The following ARL6IP6 variants were observed in gnomAD, a reference collection of about 807,000 sequenced individuals.
ARL6IP6 encodes the protein ADP-ribosylation factor-like protein 6-interacting protein 6.
A neutral mutation model predicts 21.5 loss-of-function variants in ARL6IP6; 22 were observed. The observed-to-expected ratio is 1.02, with a 90% CI of 0.73 to 1.46. The LOEUF (loss-of-function observed/expected upper bound fraction) is 1.46, where lower values mean the gene tolerates loss of function less well. Ranked by LOEUF, ARL6IP6 falls within the 40% of genes most tolerant of loss-of-function variation. The pLI, the probability that ARL6IP6 is intolerant of heterozygous loss-of-function variation, is 0.00. For missense variants in ARL6IP6, 388 were observed against 299.8 expected, an observed-to-expected ratio of 1.29 and a Z score of -2.17; for synonymous variants, 164 against 125.3, an observed-to-expected ratio of 1.31 and a Z score of -2.06.
At chr2:152,750,648 T>TC in intron 3 of ARL6IP6, among the ~76,000 whole-genome samples, 1 of 1,066 alleles carries the variant, frequency 9.4e-4, no homozygotes, top group South Asian at 0.12. Context: ...CTTTACACAA[T>TC]GTACCTCTTT....
chr2:152,742,220 C>G lies in ARL6IP6; in HGVS notation c.587+7094C>G, dbSNP rs76114027. Reference sequence around the variant, plus strand: ...AGTTTTCAGGAGTTAATGCATCTAACTATGTTACCTACCCGTGGAAAAATA... The same window carrying G: ...AGTTTTCAGGAGTTAATGCATCTAAGTATGTTACCTACCCGTGGAAAAATA... On this transcript the variant is annotated intron_variant, in intron 3 of 3. Transcript: ENST00000326446. 6.3e-4 allele frequency among the ~76,000 whole-genome samples: 96 copies of G among 152,184 alleles called. 1 individual carries two copies. In the East Asian group the frequency reaches 0.017, roughly 28 times the overall value.
intron 2 of ARL6IP6, among the ~76,000 whole-genome samples, chr2:152,729,707 T>C (rs751324151): frequency 8.5e-5 from 13 of 152,160 alleles, no homozygotes; most frequent in African/African-American, 1.2e-4. Flanking sequence ...TGAGAAGATA[T>C]ATATACGTTT....
At chr2:152,758,463 T>C (rs1172841724) in intron 3 of ARL6IP6, among the ~76,000 whole-genome samples, 3 of 152,206 alleles carry the variant, frequency 2.0e-5, no homozygotes, top group Non-Finnish European at 4.4e-5. Flanking sequence ...TTCTGTTCAC[T>C]AGTCATCAAC....
chr2:152,745,711 T>C (rs1310892022), intron 3 of ARL6IP6, among the ~76,000 whole-genome samples: 1 of 152,170 alleles, frequency 6.6e-6, no homozygotes, highest in East Asian at 1.9e-4. Context: ...ACAAAAGAGA[T>C]GGTTCAGGAA....
chr2:152,755,736 A>G (rs1004053265), intron 3 of ARL6IP6, among the ~76,000 whole-genome samples: 2 of 152,144 alleles, frequency 1.3e-5, no homozygotes, highest in African/African-American at 4.8e-5. Flanking sequence ...ATTCGGGGCC[A>G]CTACTGGTCT....
At chr2:152,754,986 G>C (rs1046808136) in intron 3 of ARL6IP6, among the ~76,000 whole-genome samples, 3 of 152,014 alleles carry the variant, frequency 2.0e-5, no homozygotes, top group Non-Finnish European at 2.9e-5. Context: ...TCATAGATGT[G>C]ATTATATATG....
chr2:152,732,959 A>C lies in ARL6IP6; in HGVS notation c.455-2035A>C, dbSNP rs534252713. On this transcript the variant is annotated intron_variant, in intron 2 of 3. Transcript: ENST00000326446. ...TCCAGATACGGAACTTGTGGATAGG[A>C]AGGGCTGACTGTATATAGTTGAAAT... is the stretch of plus-strand genomic sequence containing the variant. Among the ~76,000 whole-genome samples the C allele has an allele frequency of 7.7e-4, 116 of 151,236 alleles. No individual in the cohort carries two copies. The East Asian group carries it at 0.012, about 15-fold the overall frequency.
At chr2:152,759,706 T>TA in intron 3 of ARL6IP6, 41 bp from the exon 4 acceptor site, 1 of 1,530,104 alleles carries the variant, frequency 6.5e-7, no homozygotes. Context: ...TATACCACGT[T>TA]ACATTTTTCT....
intron 3 of ARL6IP6, among the ~76,000 whole-genome samples, chr2:152,758,844 G>A (rs1401921870): frequency 1.3e-5 from 2 of 152,168 alleles, no homozygotes; most frequent in African/African-American, 2.4e-5. Flanking sequence ...GAAAGGAGGA[G>A]AGGATATGGG....
At chr2:152,751,583 T>G (rs1340431994) in intron 3 of ARL6IP6, among the ~76,000 whole-genome samples, 1 of 152,194 alleles carries the variant, frequency 6.6e-6, no homozygotes, top group African/African-American at 2.4e-5. Flanking sequence ...TCTACTTCTA[T>G]GAGCTCATTT....
chr2:152,718,496 T>C (rs985616022), upstream of ARL6IP6: 145 of 1,343,678 alleles, frequency 1.1e-4, no homozygotes, highest in Non-Finnish European at 1.3e-4. Context: ...CCACCCTTGC[T>C]CTCCGTGGTT....
At chr2:152,746,001 C>CTTTTTTTTTTTTTTTTTTTTTTT (rs67760283) in intron 3 of ARL6IP6, among the ~76,000 whole-genome samples, 2 of 66,388 alleles carry the variant, frequency 3.0e-5, no homozygotes, top group East Asian at 7.5e-4. Flanking sequence ...TGCTTTGTAC[C>CTTTTTTTTTTTTTTTTTTTTTTT]TTTTTTTTTT....
chr2:152,761,513 A>C lies in ARL6IP6; in HGVS notation c.*1673A>C, dbSNP rs1285348519. On this transcript the variant is annotated 3_prime_UTR_variant, in exon 4 of 4. Coordinates refer to ENST00000326446, the MANE Select transcript of ARL6IP6 (RefSeq NM_152522.7). The stretch of plus-strand genomic sequence containing the variant: ...AGATTGTTTGTGTCTAATGACTAGG[A>C]AAGTTATTAACAGTAGACCCTAGAT... 6.6e-6 allele frequency among the ~76,000 whole-genome samples: 1 copy of C among 152,222 alleles called. No homozygotes were observed. The highest frequency in any genetic ancestry group is 2.4e-5 in the African/African-American group (1 of 41,450).
chr2:152,755,265 A>G (rs1559245070), intron 3 of ARL6IP6, among the ~76,000 whole-genome samples: 1 of 152,156 alleles, frequency 6.6e-6, no homozygotes, highest in Non-Finnish European at 1.5e-5. Context: ...GTCAATGCCA[A>G]GGGAAAACAC....
At chr2:152,757,577 C>T (rs1701647520) in intron 3 of ARL6IP6, among the ~76,000 whole-genome samples, 1 of 152,136 alleles carries the variant, frequency 6.6e-6, no homozygotes, top group African/African-American at 2.4e-5. Flanking sequence ...TGTTAACAGA[C>T]TTTAGAGATC....
intron 3 of ARL6IP6, among the ~76,000 whole-genome samples, chr2:152,744,438 A>G (rs1700955072): frequency 6.6e-6 from 1 of 152,090 alleles, no homozygotes; most frequent in Non-Finnish European, 1.5e-5. Context: ...CTTTAGATAT[A>G]TTATTGGTTG....
intron 3 of ARL6IP6, among the ~76,000 whole-genome samples, chr2:152,749,237 T>C (rs1371474396): frequency 6.6e-6 from 1 of 152,016 alleles, no homozygotes; most frequent in Non-Finnish European, 1.5e-5. Context: ...ATAATGGAAG[T>C]CTGGGTTCTC....
intron 3 of ARL6IP6, among the ~76,000 whole-genome samples, chr2:152,746,821 CTTTT>C (rs61506535): frequency 5.4e-4 from 18 of 33,074 alleles, no homozygotes; most frequent in Non-Finnish European, 7.1e-4. Context: ...TTTATCCTTT[CTTTT>C]TTTTTTTTTT....
At chr2:152,735,832 A>C (rs916309582) in intron 3 of ARL6IP6, among the ~76,000 whole-genome samples, 8 of 136,786 alleles carry the variant, frequency 5.8e-5, no homozygotes, top group African/African-American at 2.1e-4. Flanking sequence ...TCTAATACTT[A>C]CTATTGTTAC....
Sources: gnomAD v4.1 joint callset for allele counts (sites outside exome capture counted in the v4.1 genomes callset) on GRCh38, gnomAD v4.1.1 for gene constraint, MANE v1.5 for transcripts, NCBI Gene and HGNC (gene_info 2026-07-23, HGNC 2026-07-21) for gene names.